Variants in BSPRY observed in about 807,000 individuals in gnomAD.
BSPRY encodes B box and SPRY domain-containing protein.
BSPRY carries 33 observed loss-of-function variants against 38.0 expected under a neutral mutation model. The observed-to-expected ratio is 0.87, with a 90% CI of 0.66 to 1.16. The LOEUF is 1.16. Ranked by LOEUF, BSPRY falls within the 50% of genes most tolerant of loss-of-function variation. The pLI is 0.00. For missense variants in BSPRY, 523 were observed against 533.2 expected (o/e 0.98, Z 0.19); for synonymous variants, 224 against 228.5 (o/e 0.98, Z 0.18).
At chr9:113,368,227 T>G in intron 4 of BSPRY, 32 bp from the exon 5 acceptor site, 5 of 1,598,452 alleles carry the variant, frequency 3.1e-6, no homozygotes, top group Non-Finnish European at 4.3e-6. Flanking sequence ...AGAACCATCC[T>G]GAATCTCTGT....
chr9:113,369,976 TGCGGGGCCCAGCCCA>T lies in BSPRY; in HGVS notation c.1046_1060del (p.Arg349_Gln353del), dbSNP rs1259024973. On this transcript the variant is annotated inframe_deletion, in exon 6 of 6. Coordinates refer to ENST00000374183, the MANE Select transcript of BSPRY (RefSeq NM_017688.3). Reference sequence around the variant, plus strand: ...GGGCAGCACGAGCCCCTGGGGCTGCTGCGGGGCCCAGCCCAGCTGGGTGTAGTGCTGGACTTGCAG... The same window carrying T: ...GGGCAGCACGAGCCCCTGGGGCTGCTGCTGGGTGTAGTGCTGGACTTGCAG... 6.2e-7 allele frequency: 1 copy of T among 1,614,184 alleles called. No homozygotes were observed. Among genetic ancestry groups the T allele is most frequent in the Non-Finnish European group, 8.5e-7 (1 of 1,180,032 alleles).
Position 113,349,615 on chromosome 9 carries a change from C to T in BSPRY, c.36C>T (p.Ser12=). 8.4e-7 allele frequency: 1 copy of T among 1,196,642 alleles called. No individual in the cohort carries two copies. The highest frequency in any genetic ancestry group is 1.0e-6 in the Non-Finnish European group (1 of 965,320). The allele number at this position is 1,196,642 out of a possible 1,614,324, so 74.1% of individuals were successfully genotyped here. A position where few individuals can be genotyped will look rare whatever the true frequency, so the allele number is the denominator to read the frequency against. Residue 12 remains serine, a synonymous_variant, in exon 1 of 6, where the codon TCC becomes TCT. Coordinates refer to ENST00000374183, the MANE Select transcript of BSPRY (RefSeq NM_017688.3). ...AGGGCGCGGAGCCGGGGCCGGGGTC[C>T]GGGTCCGGGCCCGGGCCGGGGCCAC... is the stretch of plus-strand genomic sequence containing the variant. ...SAEGAEPGPG[S]GSGPGPGPLC...
Position 113,354,493 on chromosome 9 carries a change from G to A in BSPRY, c.300+155G>A, listed in dbSNP as rs74505973. Among the ~76,000 whole-genome samples the A allele has an allele frequency of 7.1e-3, 1,085 of 152,196 alleles. 89 individuals are homozygous for A. In the East Asian group the frequency reaches 0.19, roughly 26 times the overall value. ...CCTCAGAGACTCAATTTTACCATCT[G>A]GGCAGGGTGGGCTTGTTCCTGTACC... is the stretch of plus-strand genomic sequence containing the variant. On this transcript the variant is annotated intron_variant, in intron 2 of 5. Coordinates refer to ENST00000374183, the MANE Select transcript of BSPRY (RefSeq NM_017688.3).
In BSPRY at chr9:113,369,775, T is replaced by TCCC; in HGVS notation, c.844_845insCCC (p.Phe281_Gln282insPro). Reference sequence around the variant, plus strand: ...CCCAATGCCCTGGCTGCCACCTCCTTCCAGAATGGGCTCCATGCCTGGATG... The same window carrying TCCC: ...CCCAATGCCCTGGCTGCCACCTCCTTCCCCCAGAATGGGCTCCATGCCTGGATG... On this transcript the variant is annotated inframe_insertion, in exon 6 of 6. Transcript: ENST00000374183. 1 of 1,614,186 alleles carries TCCC rather than the reference T, an allele frequency of 6.2e-7. No homozygotes were observed.
chr9:113,360,691 C>G lies in BSPRY; in HGVS notation c.485C>G (p.Thr162Ser), dbSNP rs753644953. The G allele has an allele frequency of 6.2e-7, 1 of 1,604,826 alleles. No homozygotes were observed. The highest frequency in any genetic ancestry group is 8.5e-7 in the Non-Finnish European group (1 of 1,176,800). Residue 162 changes from threonine to serine, a missense_variant, in exon 3 of 6, where the codon ACT becomes AGT. Coordinates refer to ENST00000374183, the MANE Select transcript of BSPRY (RefSeq NM_017688.3). ...CTGCAGAAACTTGACACCATCCGCA[C>G]TGGCCTGGTGGGCATGCTTACTCAC... ...EALQKLDTIR[T>S]GLVGMLTHLD...
chr9:113,366,631 T>G lies in BSPRY; in HGVS notation c.558-1628T>G, dbSNP rs867965478. Among the ~76,000 whole-genome samples the G allele has an allele frequency of 3.9e-5, 6 of 152,352 alleles. No individual in the cohort carries two copies. In the South Asian group the frequency reaches 1.0e-3, roughly 26 times the overall value. On this transcript the variant is annotated intron_variant, in intron 4 of 5. Transcript: ENST00000374183. ...GTGGTTCGCTGTAGACTTCACTATGTTCAGCCTCACATTTGCCCTGGGATG... is the reference window on the plus strand; with the variant it reads ...GTGGTTCGCTGTAGACTTCACTATGGTCAGCCTCACATTTGCCCTGGGATG...
At chr9:113,368,579 C>T (rs372929105) in intron 5 of BSPRY, among the ~76,000 whole-genome samples, 196 bp downstream of exon 5, 10 of 152,286 alleles carry the variant, frequency 6.6e-5, no homozygotes, top group African/African-American at 1.4e-4. Flanking sequence ...TTCCCATTTC[C>T]GGACTAACAT....
At position 113,369,963 on chromosome 9, in the gene BSPRY, C is replaced by A. The variant is rs749841740; in HGVS notation, c.1030C>A (p.Pro344Thr). 2 of 1,614,122 alleles carry A rather than the reference C, an allele frequency of 1.2e-6. No homozygotes were observed. The highest frequency in any genetic ancestry group is 1.7e-6 in the Non-Finnish European group (2 of 1,180,018). Reference protein sequence around the residue: ...FRFSHNGQHEPLGLLRGPAQL... With the variant: ...FRFSHNGQHETLGLLRGPAQL... ...TTTCTCACACAATGGGCAGCACGAGCCCCTGGGGCTGCTGCGGGGCCCAGC... is the reference window on the plus strand; with the variant it reads ...TTTCTCACACAATGGGCAGCACGAGACCCTGGGGCTGCTGCGGGGCCCAGC... Residue 344 changes from proline (P) to threonine (T), a missense_variant, in exon 6 of 6, where the codon CCC becomes ACC. Transcript: ENST00000374183.
intron 2 of BSPRY, among the ~76,000 whole-genome samples, chr9:113,357,750 C>T (rs1834082977): frequency 6.6e-6 from 1 of 151,026 alleles, no homozygotes; most frequent in Admixed American, 6.6e-5. Context: ...ACTCCATTGC[C>T]CAGGCTGAAA....
At chr9:113,359,670 T>G (rs1337301823) in intron 2 of BSPRY, among the ~76,000 whole-genome samples, 2 of 152,140 alleles carry the variant, frequency 1.3e-5, no homozygotes, top group Non-Finnish European at 2.9e-5. Context: ...GTCAAGAGAA[T>G]TGGGTTCGAG....
At chr9:113,369,376 G>A (rs1834302502) in intron 5 of BSPRY, among the ~76,000 whole-genome samples, 1 of 152,164 alleles carries the variant, frequency 6.6e-6, no homozygotes, top group African/African-American at 2.4e-5. Flanking sequence ...TGTTATGAAG[G>A]CTACAGTTTA....
In BSPRY at chr9:113,356,446, A is replaced by C. The variant is rs375122697; in HGVS notation, c.300+2108A>C. Among the ~76,000 whole-genome samples, 10 of 152,188 alleles carry C rather than the reference A, an allele frequency of 6.6e-5. No homozygotes were observed. In the East Asian group the frequency reaches 1.4e-3, roughly 21 times the overall value. ...CTTGAACCCGGGAGGCGGAGGTTGC[A>C]GTGAGCTGAGACTGCGCACTGCACT... On this transcript the variant is annotated intron_variant, in intron 2 of 5. Coordinates refer to ENST00000374183, the MANE Select transcript of BSPRY (RefSeq NM_017688.3).
At chr9:113,358,466 C>T (rs1280855739) in intron 2 of BSPRY, among the ~76,000 whole-genome samples, 1 of 151,646 alleles carries the variant, frequency 6.6e-6, no homozygotes, top group Non-Finnish European at 1.5e-5. Context: ...CGGGGTTTCA[C>T]CTTATTGGCC....
rs572513125 is a variant in BSPRY at position 113,369,105 on chromosome 9, G to A, written c.683-511G>A. Among the ~76,000 whole-genome samples, 7 of 152,072 alleles carry A rather than the reference G, an allele frequency of 4.6e-5. No individual in the cohort carries two copies. In the South Asian group the frequency reaches 1.5e-3, roughly 32 times the overall value. On this transcript the variant is annotated intron_variant, in intron 5 of 5. Transcript: ENST00000374183. ...TCAAATGATGCCTGATTTACCAGCA[G>A]TTTAGATATTTGCTAGAAATTGCTT...
At chr9:113,349,919 G>T in intron 1 of BSPRY, 139 bp downstream of exon 1, 1 of 1,128,602 alleles carries the variant, frequency 8.9e-7, no homozygotes, top group Non-Finnish European at 1.1e-6. Flanking sequence ...GGTGGCTTTG[G>T]CTGTAGGACT....
chr9:113,355,366 T>C (rs886280946), intron 2 of BSPRY, among the ~76,000 whole-genome samples: 1 of 152,078 alleles, frequency 6.6e-6, no homozygotes, highest in East Asian at 1.9e-4. Flanking sequence ...ATAAGCAAAA[T>C]GGGGCATTTC....
At chr9:113,351,099 T>A (rs1191070020) in intron 1 of BSPRY, among the ~76,000 whole-genome samples, 1 of 151,930 alleles carries the variant, frequency 6.6e-6, no homozygotes, top group South Asian at 2.1e-4. Flanking sequence ...CTAATGGGGG[T>A]GAGAATGTCA....
chr9:113,367,592 T>C lies in BSPRY; in HGVS notation c.558-667T>C, dbSNP rs138768826. On this transcript the variant is annotated intron_variant, in intron 4 of 5. Coordinates refer to ENST00000374183, the MANE Select transcript of BSPRY (RefSeq NM_017688.3). ...AGATGTTGGAGTAGAAAGACTATCG[T>C]GCAGGGGTTCCAGAGGCCCAGGAGG... Among the ~76,000 whole-genome samples the C allele has an allele frequency of 2.8e-3, 430 of 152,322 alleles. 12 individuals are homozygous for C. In the East Asian group the frequency reaches 0.041, roughly 14 times the overall value.
intron 4 of BSPRY, among the ~76,000 whole-genome samples, chr9:113,365,853 G>T (rs1834241701): frequency 7.4e-6 from 1 of 134,916 alleles, no homozygotes; most frequent in Non-Finnish European, 1.5e-5. Context: ...CACTTAGGCT[G>T]GAGTGCAGTG....
Sources: gnomAD v4.1 joint callset for allele counts (sites outside exome capture counted in the v4.1 genomes callset) on GRCh38, gnomAD v4.1.1 for gene constraint, MANE v1.5 for transcripts, NCBI Gene and HGNC (gene_info 2026-07-23, HGNC 2026-07-21) for gene names.